The following DRD2 variants were observed in gnomAD, a reference collection of about 807,000 sequenced individuals.
The protein encoded by DRD2 is dopamine receptor D2.
A neutral mutation model predicts 38.0 loss-of-function variants in DRD2; 8 were observed. The observed-to-expected ratio is 0.21, with a 90% CI of 0.12 to 0.38. The LOEUF (loss-of-function observed/expected upper bound fraction) is 0.38, where lower values mean the gene tolerates loss of function less well. Ranked by LOEUF, DRD2 falls within the 10% of genes least tolerant of loss-of-function variation. DRD2 has a pLI of 1.00. For missense variants in DRD2, 403 were observed against 607.7 expected (o/e 0.66, Z 3.54); for synonymous variants, 230 against 238.6 (o/e 0.96, Z 0.33).
intron 5 of DRD2, 82 bp downstream of exon 5, chr11:113,415,339 G>A (rs1950814882): frequency 2.7e-6 from 4 of 1,504,076 alleles, no homozygotes; most frequent in African/African-American, 1.4e-5. Context: ...GGTTTCCCAA[G>A]CCCCCACCTG....
intron 1 of DRD2, among the ~76,000 whole-genome samples, chr11:113,458,961 A>G (rs1951292034): frequency 6.6e-6 from 1 of 152,218 alleles, no homozygotes. Context: ...ATATATCATA[A>G]TGAAAGTGAA....
chr11:113,426,283 A>G lies in DRD2; in HGVS notation c.-31-1601T>C, dbSNP rs368411424. Among the ~76,000 whole-genome samples the G allele has an allele frequency of 1.1e-4, 17 of 152,222 alleles. No individual in the cohort carries two copies. In the South Asian group the frequency reaches 3.5e-3, roughly 32 times the overall value. On this transcript the variant is annotated intron_variant, in intron 1 of 7. Transcript: ENST00000362072. ...TGGGAGGCTGGTGTCGCATATTCAC[A>G]GAGAAAAGGGACCAGAGGGGCTCAG...
chr11:113,467,599 G>GT (rs774101085), intron 1 of DRD2, among the ~76,000 whole-genome samples: 36 of 152,272 alleles, frequency 2.4e-4, no homozygotes, highest in Admixed American at 4.6e-4. Flanking sequence ...CATTCTCCTT[G>GT]TTTTTTGTTT....
intron 1 of DRD2, among the ~76,000 whole-genome samples, chr11:113,454,335 G>A (rs1951246437): frequency 6.6e-6 from 1 of 152,070 alleles, no homozygotes; most frequent in African/African-American, 2.4e-5. Context: ...CTGGGCAATA[G>A]AGTGAGACTC....
chr11:113,436,328 AG>A (rs1336127136), intron 1 of DRD2, among the ~76,000 whole-genome samples: 1 of 152,184 alleles, frequency 6.6e-6, no homozygotes, highest in Non-Finnish European at 1.5e-5. Context: ...AAGAAAAAAA[AG>A]AGAGATGGAG....
chr11:113,439,662 A>AAGCCCCAT (rs1291862327), intron 1 of DRD2, among the ~76,000 whole-genome samples: 2 of 151,636 alleles, frequency 1.3e-5, no homozygotes, highest in Non-Finnish European at 2.9e-5. Flanking sequence ...CAACATGGTG[A>AAGCCCCAT]AGCCCCATCT....
chr11:113,464,617 G>C (rs781634180), intron 1 of DRD2, among the ~76,000 whole-genome samples: 1 of 152,140 alleles, frequency 6.6e-6, no homozygotes, highest in African/African-American at 2.4e-5. Flanking sequence ...GCTCCTATGA[G>C]TGCATTCTGA....
At chr11:113,446,196 G>A (rs1951146979) in intron 1 of DRD2, among the ~76,000 whole-genome samples, 1 of 152,082 alleles carries the variant, frequency 6.6e-6, no homozygotes, top group Non-Finnish European at 1.5e-5. Context: ...AAGCCCTGAT[G>A]ACAGATCTGA....
At chr11:113,452,491 T>C (rs1184271662) in intron 1 of DRD2, among the ~76,000 whole-genome samples, 2 of 124,668 alleles carry the variant, frequency 1.6e-5, no homozygotes, top group Admixed American at 8.3e-5. Flanking sequence ...CGCGCGCACA[T>C]TGGGGGACAG....
intron 1 of DRD2, among the ~76,000 whole-genome samples, chr11:113,452,486 G>A (rs1298535268): frequency 1.0e-4 from 15 of 144,198 alleles, no homozygotes; most frequent in East Asian, 2.0e-4. Flanking sequence ...GCGCGCGCGC[G>A]CACATTGGGG....
At chr11:113,448,808 G>A (rs973725462) in intron 1 of DRD2, among the ~76,000 whole-genome samples, 1 of 152,164 alleles carries the variant, frequency 6.6e-6, no homozygotes, top group Non-Finnish European at 1.5e-5. Flanking sequence ...GCACCACACT[G>A]GGCCTGCGAA....
chr11:113,463,141 T>C (rs148582059), intron 1 of DRD2, among the ~76,000 whole-genome samples: 55 of 152,326 alleles, frequency 3.6e-4, no homozygotes, highest in African/African-American at 1.3e-3. Context: ...TACATAAGTA[T>C]TTTGGTCCTA....
chr11:113,471,282 A>G (rs1265227944), intron 1 of DRD2, among the ~76,000 whole-genome samples: 1 of 152,206 alleles, frequency 6.6e-6, no homozygotes, highest in African/African-American at 2.4e-5. Context: ...TGAGAGGCAA[A>G]AGTATATTAA....
intron 1 of DRD2, among the ~76,000 whole-genome samples, chr11:113,451,976 G>A (rs1951213807): frequency 6.6e-6 from 1 of 152,144 alleles, no homozygotes. Flanking sequence ...GAGCTCCATT[G>A]TCCCATTTCT....
intron 1 of DRD2, among the ~76,000 whole-genome samples, chr11:113,435,140 C>A (rs1951023655): frequency 6.6e-6 from 1 of 152,160 alleles, no homozygotes; most frequent in African/African-American, 2.4e-5. Flanking sequence ...GTCTTCCCAG[C>A]CTTACCTTGT....
At position 113,442,071 on chromosome 11, in the gene DRD2, G is replaced by A. The variant is rs532595906; in HGVS notation, c.-31-17389C>T. On this transcript the variant is annotated intron_variant, in intron 1 of 7. Transcript: ENST00000362072. ...GAAATATTTACAGATGAAATTATAT[G>A]CTATCTGGGAATTATATGAAAACAG... Among the ~76,000 whole-genome samples, 146 of 152,158 alleles carry A rather than the reference G, an allele frequency of 9.6e-4. 1 individual carries two copies. In the South Asian group the frequency reaches 0.014, roughly 15 times the overall value.
At chr11:113,412,959 C>G in intron 6 of DRD2, 76 bp from the exon 7 acceptor site, 1 of 1,481,596 alleles carries the variant, frequency 6.7e-7, no homozygotes, top group African/African-American at 1.4e-5. Flanking sequence ...ACTGGCCCCT[C>G]CCTTTCCCCC....
intron 1 of DRD2, among the ~76,000 whole-genome samples, chr11:113,431,314 G>T (rs1249398552): frequency 6.6e-6 from 1 of 152,228 alleles, no homozygotes; most frequent in Non-Finnish European, 1.5e-5. Context: ...GTGCAGGAAA[G>T]TGGGGGTAAT....
At chr11:113,421,026 T>A (rs2234690) in intron 2 of DRD2, among the ~76,000 whole-genome samples, 66,845 of 151,994 alleles carry the variant, frequency 0.44, 17,380 homozygotes, top group Non-Finnish European at 0.6. Context: ...TCAGGCACTG[T>A]TCCAAACACT....
Sources: allele counts gnomAD v4.1 joint callset (sites outside exome capture counted in the v4.1 genomes callset), GRCh38; gene constraint gnomAD v4.1.1; transcripts MANE v1.5; gene names NCBI Gene and HGNC (gene_info 2026-07-23, HGNC 2026-07-21).